The following CUBN variants were observed in gnomAD, a reference collection of about 807,000 sequenced individuals.
CUBN encodes the protein cubilin.
In CUBN, 282 loss-of-function variants were observed where a neutral mutation model predicts 405.3. That is an observed-to-expected ratio of 0.70 (90% CI 0.63 to 0.77). The LOEUF is 0.77. CUBN is among the 30% of genes least tolerant of loss of function. The pLI is 0.00. For synonymous variants in CUBN, 1,684 were observed against 1,617.0 expected (o/e 1.04, Z -0.99); for missense variants, 4,514 against 4,475.2 (o/e 1.01, Z -0.25).
At chr10:16,862,160 T>TTTCTCTCACACA (rs1554783644) in intron 59 of CUBN, among the ~76,000 whole-genome samples, 2 of 131,164 alleles carry the variant, frequency 1.5e-5, no homozygotes, top group African/African-American at 6.5e-5. Context: ...TCTCTCTCTC[T>TTTCTCTCACACA]CACACACACA....
intron 41 of CUBN, among the ~76,000 whole-genome samples, chr10:16,926,297 T>G (rs1178626021): frequency 1.3e-5 from 2 of 152,082 alleles, no homozygotes; most frequent in South Asian, 4.2e-4. Context: ...GAAGTCAGAA[T>G]GGATGAGGCA....
At chr10:17,043,251 C>T (rs981782705) in intron 26 of CUBN, among the ~76,000 whole-genome samples, 8 of 152,212 alleles carry the variant, frequency 5.3e-5, no homozygotes, top group African/African-American at 1.7e-4. Flanking sequence ...CATCATGTTG[C>T]TATCTGGGAA....
chr10:16,980,489 C>T (rs1384802758), intron 31 of CUBN, among the ~76,000 whole-genome samples: 1 of 152,216 alleles, frequency 6.6e-6, no homozygotes, highest in Non-Finnish European at 1.5e-5. Context: ...GGCACCTATA[C>T]ACCATGGAAT....
intron 56 of CUBN, among the ~76,000 whole-genome samples, chr10:16,882,240 C>T (rs1840683140): frequency 6.6e-6 from 1 of 152,190 alleles, no homozygotes; most frequent in Non-Finnish European, 1.5e-5. Flanking sequence ...GGACTAGAGT[C>T]CACGTCATGG....
chr10:16,853,641 A>G (rs1300757659), intron 59 of CUBN, among the ~76,000 whole-genome samples: 2 of 152,228 alleles, frequency 1.3e-5, no homozygotes, highest in Non-Finnish European at 2.9e-5. Context: ...CCAAAGGCCC[A>G]GTCCCTGATA....
chr10:16,847,321 G>A (rs1489081364), intron 60 of CUBN, among the ~76,000 whole-genome samples: 6 of 151,890 alleles, frequency 4.0e-5, no homozygotes, highest in Non-Finnish European at 7.4e-5. Context: ...GTGTGGTGGC[G>A]GGCGCCTGTA....
intron 32 of CUBN, among the ~76,000 whole-genome samples, chr10:16,954,097 G>A (rs970233986): frequency 6.1e-5 from 9 of 147,890 alleles, no homozygotes; most frequent in African/African-American, 2.3e-4. Flanking sequence ...GTAAAGCCTT[G>A]GGTAGTGCTA....
intron 56 of CUBN, among the ~76,000 whole-genome samples, 164 bp from the exon 57 acceptor site, chr10:16,877,261 C>G (rs990333925): frequency 3.3e-5 from 5 of 152,168 alleles, no homozygotes; most frequent in Admixed American, 6.5e-5. Flanking sequence ...AATGTTTACT[C>G]TAACTACAAA....
At chr10:16,908,919 AG>A (rs1476269443) in intron 48 of CUBN, among the ~76,000 whole-genome samples, 1 of 123,276 alleles carries the variant, frequency 8.1e-6, no homozygotes, top group East Asian at 2.5e-4. Flanking sequence ...TCTGTCGCCC[AG>A]GCGGGACTGC....
rs1411107327 is a variant in CUBN at position 17,047,460 on chromosome 10, A to C, written c.3283T>G (p.Leu1095Val). The change falls in exon 23 of 67, where the codon TTG (leucine) becomes GTG (valine). Residue 1095 changes from leucine (L) to valine (V), a missense_variant. This residue lies in a region of CUBN where 1,448 missense variants were observed against 1,388.0 expected (regional missense o/e 1.04). Transcript: ENST00000377833. ...TAATAGTTTCCAATGGCTTCCTCCA[A>C]GGAGAAGTTTGTGAAGTGCACTGCA... Reference protein sequence around the residue: ...LIAVHFTNFSLEEAIGNYYTD... With the variant: ...LIAVHFTNFSVEEAIGNYYTD... 2 of 1,613,946 alleles carry C rather than the reference A, an allele frequency of 1.2e-6. No homozygotes were observed. The highest frequency in any genetic ancestry group is 3.3e-5 in the Admixed American group (2 of 60,008).
intron 28 of CUBN, among the ~76,000 whole-genome samples, chr10:17,014,810 T>A (rs185751581): frequency 6.5e-4 from 99 of 152,314 alleles, no homozygotes; most frequent in African/African-American, 2.3e-3. Context: ...ATGAAGGCTA[T>A]CCCTAAACCC....
intron 20 of CUBN, 80 bp from the exon 21 acceptor site, chr10:17,068,360 C>T (rs1455336024): frequency 2.8e-6 from 4 of 1,409,654 alleles, no homozygotes; most frequent in Non-Finnish European, 4.0e-6. Flanking sequence ...TGATAATAAC[C>T]TCTTCAAAGA....
intron 36 of CUBN, among the ~76,000 whole-genome samples, chr10:16,945,767 CAAAAAAAAAA>C (rs61141075): frequency 1.2e-5 from 1 of 81,414 alleles, no homozygotes; most frequent in Admixed American, 1.3e-4. Context: ...ACTGTGTCTC[CAAAAAAAAAA>C]AAAAAAAAAA....
At chr10:16,892,592 G>C (rs1841066577) in intron 54 of CUBN, among the ~76,000 whole-genome samples, 1 of 152,040 alleles carries the variant, frequency 6.6e-6, no homozygotes, top group African/African-American at 2.4e-5. Context: ...TCTGGACTCA[G>C]GTGATCTTCC....
intron 56 of CUBN, among the ~76,000 whole-genome samples, chr10:16,884,051 C>T (rs1247824653): frequency 6.6e-6 from 1 of 152,188 alleles, no homozygotes. Flanking sequence ...GCAATCTTGG[C>T]TCACTGCAAG....
At chr10:17,078,000 A>G (rs965697171) in intron 17 of CUBN, among the ~76,000 whole-genome samples, 1 of 152,124 alleles carries the variant, frequency 6.6e-6, no homozygotes, top group Non-Finnish European at 1.5e-5. Context: ...AATAAGTTTT[A>G]CCTAGAAGTG....
At chr10:16,854,936 C>T (rs113315792) in intron 59 of CUBN, among the ~76,000 whole-genome samples, 1,509 of 125,656 alleles carry the variant, frequency 0.012, 34 homozygotes, top group African/African-American at 0.04. Flanking sequence ...CTTCCTTCCT[C>T]CCTCCCTCCC....
chr10:17,064,885 G>A (rs779965867), intron 22 of CUBN, among the ~76,000 whole-genome samples: 9 of 152,162 alleles, frequency 5.9e-5, no homozygotes, highest in Non-Finnish European at 1.2e-4. Context: ...AGGTCAAATT[G>A]AGAAATGCAT....
At chr10:17,124,512 G>T (rs7079921) in intron 4 of CUBN, among the ~76,000 whole-genome samples, 127,999 of 151,426 alleles carry the variant, frequency 0.85, 54,310 homozygotes, top group Middle Eastern at 0.9. Context: ...CACTGCAGGC[G>T]CTGCCTCCTG....
Sources: gnomAD v4.1 joint callset for allele counts (sites outside exome capture counted in the v4.1 genomes callset) on GRCh38, gnomAD v4.1.1 for gene constraint, gnomAD v4.1.1 regional missense constraint, MANE v1.5 for transcripts, NCBI Gene and HGNC (gene_info 2026-07-23, HGNC 2026-07-21) for gene names.